CTNNA3: variants seen among roughly 807,000 people sequenced by gnomAD.
CTNNA3 encodes the protein catenin alpha-3.
A neutral mutation model predicts 95.7 loss-of-function variants in CTNNA3; 76 were observed. The observed-to-expected ratio is 0.79, with a 90% CI of 0.66 to 0.96. The LOEUF is 0.96. Among genes scored for constraint, CTNNA3 ranks in the 40% least tolerant of loss-of-function variants. CTNNA3 has a pLI of 0.00. For missense variants in CTNNA3, 1,191 were observed against 1,089.8 expected, an observed-to-expected ratio of 1.09 and a Z score of -1.31; for synonymous variants, 431 against 374.4, an observed-to-expected ratio of 1.15 and a Z score of -1.74.
At chr10:67,758,313 TAA>T (rs1554881245) in intron 1 of CTNNA3, among the ~76,000 whole-genome samples, 2 of 70,608 alleles carry the variant, frequency 2.8e-5, no homozygotes, top group African/African-American at 6.1e-5. Context: ...CACATATATA[TAA>T]ATATATATAC....
intron 5 of CTNNA3, among the ~76,000 whole-genome samples, chr10:67,326,686 A>C (rs1465105702): frequency 6.6e-6 from 1 of 152,206 alleles, no homozygotes; most frequent in African/African-American, 2.4e-5. Flanking sequence ...CATGGAGAGA[A>C]TCTGATTATT....
rs138101428 is a variant in CTNNA3 at position 67,411,794 on chromosome 10, C to T, written c.579+110048G>A. On this transcript the variant is annotated intron_variant, in intron 5 of 17. Coordinates refer to ENST00000433211, the MANE Select transcript of CTNNA3 (RefSeq NM_013266.4). ...AATTCTGATTTGACTTTCCAACTAA[C>T]ATCAAACTTAGAGCTCCATATCTGA... is the stretch of plus-strand genomic sequence containing the variant. Among the ~76,000 whole-genome samples, 156 of 152,174 alleles carry T rather than the reference C, an allele frequency of 1.0e-3. 3 individuals are homozygous for T. Among genetic ancestry groups the T allele is most frequent in the Admixed American group, 9.5e-3 (145 of 15,272 alleles).
chr10:66,312,734 A>G (rs915185037), intron 12 of CTNNA3, among the ~76,000 whole-genome samples: 1 of 152,080 alleles, frequency 6.6e-6, no homozygotes, highest in East Asian at 1.9e-4. Flanking sequence ...TTTAGTAAAG[A>G]CAGGGTTTCA....
chr10:66,787,545 A>G (rs1181784928), intron 7 of CTNNA3, among the ~76,000 whole-genome samples: 4 of 152,080 alleles, frequency 2.6e-5, no homozygotes, highest in Middle Eastern at 3.4e-3. Flanking sequence ...GTTGTCTTTA[A>G]TGTAGGGAGG....
At chr10:67,342,019 T>TA (rs60451317) in intron 5 of CTNNA3, among the ~76,000 whole-genome samples, 124,115 of 150,122 alleles carry the variant, frequency 0.83, 52,617 homozygotes, top group Non-Finnish European at 0.92. Flanking sequence ...CCATCTATTC[T>TA]ACATAGCTAT....
chr10:66,190,832 C>T (rs578214429), intron 13 of CTNNA3, among the ~76,000 whole-genome samples: 1 of 152,192 alleles, frequency 6.6e-6, no homozygotes, highest in African/African-American at 2.4e-5. Flanking sequence ...AGTTCACCTT[C>T]CCAAAAGATG....
intron 7 of CTNNA3, among the ~76,000 whole-genome samples, chr10:66,891,356 G>T (rs1313312753): frequency 6.6e-6 from 1 of 152,122 alleles, no homozygotes; most frequent in Non-Finnish European, 1.5e-5. Context: ...CATGATGAGG[G>T]TCTGATAGCT....
At chr10:66,414,699 CTAATGTGCAAGAGA>C (rs1283257577) in intron 11 of CTNNA3, among the ~76,000 whole-genome samples, 3 of 152,106 alleles carry the variant, frequency 2.0e-5, no homozygotes, top group Non-Finnish European at 4.4e-5. Flanking sequence ...AATGCTGAGG[CTAATGTGCAAGAGA>C]AGCATTAGGC....
intron 1 of CTNNA3, among the ~76,000 whole-genome samples, chr10:67,759,265 C>T (rs916743326): frequency 1.2e-4 from 18 of 152,146 alleles, no homozygotes; most frequent in Non-Finnish European, 1.5e-4. Flanking sequence ...TGTACTAAGT[C>T]CTCTCACATA....
chr10:66,822,823 G>A (rs1264220772), intron 7 of CTNNA3, among the ~76,000 whole-genome samples: 1 of 152,168 alleles, frequency 6.6e-6, no homozygotes, highest in Non-Finnish European at 1.5e-5. Flanking sequence ...CTTTGGCTGG[G>A]CAGAGCAGGT....
intron 13 of CTNNA3, among the ~76,000 whole-genome samples, chr10:66,123,024 T>C (rs982753730): frequency 1.3e-5 from 2 of 152,086 alleles, no homozygotes; most frequent in African/African-American, 4.8e-5. Flanking sequence ...CAAATCTCAG[T>C]CCTCACATTT....
intron 7 of CTNNA3, among the ~76,000 whole-genome samples, chr10:66,978,575 T>C (rs1243908547): frequency 2.1e-5 from 2 of 93,734 alleles, no homozygotes; most frequent in Non-Finnish European, 4.7e-5. Flanking sequence ...ATATATAGTA[T>C]GGTGTACTTA....
At chr10:67,113,596 T>A (rs1370239884) in intron 7 of CTNNA3, among the ~76,000 whole-genome samples, 1 of 152,154 alleles carries the variant, frequency 6.6e-6, no homozygotes, top group East Asian at 1.9e-4. Context: ...TCTCAACAAT[T>A]TTTGTTTTTA....
chr10:66,463,822 A>G (rs1357678818), intron 11 of CTNNA3, among the ~76,000 whole-genome samples: 3 of 151,992 alleles, frequency 2.0e-5, no homozygotes, highest in African/African-American at 7.2e-5. Context: ...GTCAGAACAG[A>G]GAACGATGCT....
chr10:67,122,591 TAACTAATACA>T (rs1289953946), intron 7 of CTNNA3, among the ~76,000 whole-genome samples: 8 of 152,270 alleles, frequency 5.3e-5, no homozygotes, highest in African/African-American at 1.9e-4. Flanking sequence ...ATCTTGTTCA[TAACTAATACA>T]GTAACAAATG....
chr10:67,673,431 C>A (rs1307517606), intron 1 of CTNNA3, among the ~76,000 whole-genome samples: 5 of 151,736 alleles, frequency 3.3e-5, no homozygotes, highest in African/African-American at 2.4e-5. Context: ...GCATCCCTGT[C>A]TTGTGCCAGT....
At chr10:66,428,238 C>T (rs562899429) in intron 11 of CTNNA3, among the ~76,000 whole-genome samples, 13 of 152,228 alleles carry the variant, frequency 8.5e-5, no homozygotes, top group Non-Finnish European at 1.8e-4. Flanking sequence ...TAAAGGAGCA[C>T]CCAGATTCAT....
chr10:67,212,185 G>C (rs1864167634), intron 6 of CTNNA3, among the ~76,000 whole-genome samples: 1 of 151,860 alleles, frequency 6.6e-6, no homozygotes, highest in South Asian at 2.1e-4. Context: ...TATGAATAAA[G>C]AATAATAATA....
At position 67,271,517 on chromosome 10, in the gene CTNNA3, A is replaced by AC. The variant is rs545135309; in HGVS notation, c.580-51648dup. 4.2e-3 allele frequency among the ~76,000 whole-genome samples: 633 copies of AC among 152,202 alleles called. 5 individuals carry two copies. The highest frequency in any genetic ancestry group is 0.015 in the African/African-American group (606 of 41,542). On this transcript the variant is annotated intron_variant, in intron 5 of 17. Transcript: ENST00000433211. ...ATTAAACCTCTTTCCTTTACAAATTACCCAGTCCCAGGTATTTCTTCATAG... is the reference window on the plus strand; with the variant it reads ...ATTAAACCTCTTTCCTTTACAAATTACCCCAGTCCCAGGTATTTCTTCATAG...
Sources: gnomAD v4.1 joint callset for allele counts (sites outside exome capture counted in the v4.1 genomes callset) on GRCh38, gnomAD v4.1.1 for gene constraint, MANE v1.5 for transcripts, NCBI Gene and HGNC (gene_info 2026-07-23, HGNC 2026-07-21) for gene names.